PRRG1: variants seen among roughly 807,000 people sequenced by gnomAD.
PRRG1 encodes proline rich and Gla domain 1, also known as transmembrane gamma-carboxyglutamic acid protein 1.
PRRG1 carries 5 observed loss-of-function variants against 11.8 expected under a neutral mutation model. The observed-to-expected ratio is 0.42, with a 90% CI of 0.22 to 0.89. The LOEUF is 0.89. Ranked by LOEUF, PRRG1 falls within the 40% of genes least tolerant of loss-of-function variation. The pLI is 0.28. For synonymous variants in PRRG1, 66 were observed against 60.4 expected, an observed-to-expected ratio of 1.09 and a Z score of -0.43; for missense variants, 155 against 166.1, an observed-to-expected ratio of 0.93 and a Z score of 0.37.
At chrX:37,381,343 T>C (rs1556373711) in intron 1 of PRRG1, among the ~76,000 whole-genome samples, 1 of 112,241 alleles carries the variant, frequency 8.9e-6, no homozygotes, top group African/African-American at 3.2e-5. Context: ...AAAGAAGTTA[T>C]AAGAAATTAT....
chrX:37,371,241 T>C (rs1556370717), intron 1 of PRRG1, among the ~76,000 whole-genome samples: 5 of 111,850 alleles, frequency 4.5e-5, no homozygotes, highest in Non-Finnish European at 9.4e-5. Flanking sequence ...GGAGAGTAGC[T>C]ACCCACTCCA....
chrX:37,367,756 A>G (rs1181191662), intron 1 of PRRG1, among the ~76,000 whole-genome samples: 1 of 112,451 alleles, frequency 8.9e-6, no homozygotes, highest in African/African-American at 3.2e-5. Context: ...AAAGCTATGA[A>G]TGCTGAGACT....
At chrX:37,442,042 C>T in intron 3 of PRRG1, 1 of 772,876 alleles carries the variant, frequency 1.3e-6, no homozygotes, top group Non-Finnish European at 1.6e-6. Flanking sequence ...GTTTGACAAG[C>T]TCACCCTGGG....
intron 3 of PRRG1, among the ~76,000 whole-genome samples, chrX:37,429,179 A>G (rs1279036165): frequency 9.0e-6 from 1 of 111,659 alleles, no homozygotes; most frequent in Non-Finnish European, 1.9e-5. Context: ...CCCTGGAGAC[A>G]TTTTCCTCAT....
chrX:37,400,925 C>A (rs1242246758), intron 1 of PRRG1, among the ~76,000 whole-genome samples: 1 of 111,102 alleles, frequency 9.0e-6, no homozygotes, highest in Non-Finnish European at 1.9e-5. Flanking sequence ...CCTCCCAAGA[C>A]TAAACCAGGA....
At chrX:37,429,633 A>G (rs1243483360) in intron 3 of PRRG1, among the ~76,000 whole-genome samples, 2 of 111,727 alleles carry the variant, frequency 1.8e-5, no homozygotes, top group African/African-American at 6.5e-5. Context: ...AAACTTTCCC[A>G]CATTTTTCTG....
At chrX:37,401,434 A>G (rs1247199746) in intron 1 of PRRG1, among the ~76,000 whole-genome samples, 109 of 111,065 alleles carry the variant, frequency 9.8e-4, no homozygotes, top group African/African-American at 3.5e-3. Flanking sequence ...AAATTCAACA[A>G]CCCTTCATGC....
Position 37,453,661 on chromosome X carries a change from C to G in PRRG1, c.*40C>G. Reference sequence around the variant, plus strand: ...TTTTACTCTAATCATTTTTAAAATACTAATGGAAGAACTTTCTAGCACTTT... The same window carrying G: ...TTTTACTCTAATCATTTTTAAAATAGTAATGGAAGAACTTTCTAGCACTTT... On this transcript the variant is annotated 3_prime_UTR_variant, in exon 4 of 4. Transcript: ENST00000378628. The G allele has an allele frequency of 8.9e-7, 1 of 1,117,895 alleles. No homozygotes were observed. The highest frequency in any genetic ancestry group is 1.8e-5 in the African/African-American group (1 of 54,691). 92.1% of individuals were successfully genotyped at this position (1,117,895 alleles called of 1,213,427 possible).
intron 3 of PRRG1, among the ~76,000 whole-genome samples, chrX:37,428,314 G>T (rs918124093): frequency 9.0e-6 from 1 of 111,550 alleles, no homozygotes; most frequent in Non-Finnish European, 1.9e-5. Context: ...CTGAGACAAG[G>T]CGTGTCCCTT....
At chrX:37,388,601 C>T (rs568827829) in intron 1 of PRRG1, among the ~76,000 whole-genome samples, 10 of 113,247 alleles carry the variant, frequency 8.8e-5, no homozygotes, top group Middle Eastern at 9.1e-3. Context: ...GGAGCAACTG[C>T]GATGTCGGGA....
chrX:37,398,011 CACACAT>C (rs200507122), intron 1 of PRRG1, among the ~76,000 whole-genome samples: 5,262 of 92,358 alleles, frequency 0.057, 118 homozygotes, highest in African/African-American at 0.11. Flanking sequence ...CACACACACA[CACACAT>C]ACACGCTGAA....
chrX:37,384,577 A>G lies in PRRG1; in HGVS notation c.-41-21632A>G, dbSNP rs138535836. 5.9e-3 allele frequency among the ~76,000 whole-genome samples: 664 copies of G among 111,818 alleles called. 2 individuals are homozygous for G. Among genetic ancestry groups the G allele is most frequent in the Non-Finnish European group, 9.8e-3 (521 of 53,079 alleles). On this transcript the variant is annotated intron_variant, in intron 1 of 3. Coordinates refer to ENST00000378628, the MANE Select transcript of PRRG1 (RefSeq NM_001142395.2). ...TTGCTCCAAGACTCTTATTTTCACA[A>G]TATTATACAGAACTCATAAGTTTAG...
chrX:37,445,417 T>C (rs782022139), intron 3 of PRRG1, among the ~76,000 whole-genome samples: 3 of 112,034 alleles, frequency 2.7e-5, no homozygotes, highest in Non-Finnish European at 5.6e-5. Context: ...TTTAACAGGC[T>C]CCCAGGTGAT....
intron 1 of PRRG1, among the ~76,000 whole-genome samples, chrX:37,356,003 G>T (rs1930222041): frequency 8.9e-6 from 1 of 112,128 alleles, no homozygotes; most frequent in Non-Finnish European, 1.9e-5. Context: ...ACAAATATTT[G>T]TATGACTGTC....
chrX:37,375,885 C>T (rs781975363), intron 1 of PRRG1, among the ~76,000 whole-genome samples: 99 of 111,712 alleles, frequency 8.9e-4, no homozygotes, highest in Non-Finnish European at 1.4e-3. Context: ...GAGTTTCTAA[C>T]TCTCAAACTA....
chrX:37,425,874 A>C lies in PRRG1; in HGVS notation c.45A>C (p.Leu15Phe). The C allele has an allele frequency of 8.4e-7, 1 of 1,197,448 alleles. No individual in the cohort carries two copies. Among genetic ancestry groups the C allele is most frequent in the Non-Finnish European group, 1.1e-6 (1 of 888,768 alleles). ...CGGGAGAAAAAGCCAATTCCATATT[A>C]AAACGCTACCCAAGAGCTAATGGGT... ...FLTGEKANSI[L>F]KRYPRANGFF... Residue 15 changes from leucine to phenylalanine, a missense_variant, in exon 3 of 4, where the codon TTA becomes TTC. Coordinates refer to ENST00000378628, the MANE Select transcript of PRRG1 (RefSeq NM_001142395.2).
At chrX:37,446,519 A>T (rs1004305894) in intron 3 of PRRG1, among the ~76,000 whole-genome samples, 1 of 112,091 alleles carries the variant, frequency 8.9e-6, no homozygotes, top group African/African-American at 3.2e-5. Context: ...ATGATATGTG[A>T]TGAACTTCCT....
chrX:37,398,201 C>G (rs1224649327), intron 1 of PRRG1, among the ~76,000 whole-genome samples: 2 of 111,305 alleles, frequency 1.8e-5, no homozygotes, highest in Non-Finnish European at 3.8e-5. Context: ...ATCCCCGACC[C>G]CCGAGCAGCC....
intron 1 of PRRG1, among the ~76,000 whole-genome samples, chrX:37,371,525 GAGA>G (rs1930762408): frequency 8.9e-6 from 1 of 112,820 alleles, no homozygotes; most frequent in Non-Finnish European, 1.9e-5. Flanking sequence ...GGAGAGAAGA[GAGA>G]AGGAGAGAAG....
Sources: allele counts gnomAD v4.1 joint callset (sites outside exome capture counted in the v4.1 genomes callset), GRCh38; gene constraint gnomAD v4.1.1; transcripts MANE v1.5; gene names NCBI Gene and HGNC (gene_info 2026-07-23, HGNC 2026-07-21).